The following PDSS2 variants were observed in gnomAD, a reference collection of about 807,000 sequenced individuals.
The protein encoded by PDSS2 is decaprenyl diphosphate synthase subunit 2, also known as all trans-polyprenyl-diphosphate synthase PDSS2.
PDSS2 carries 31 observed loss-of-function variants against 44.5 expected under a neutral mutation model. The ratio of observed to expected loss-of-function variants is 0.70; its 90% CI spans 0.52 to 0.94. The LOEUF (loss-of-function observed/expected upper bound fraction) is 0.94. PDSS2 is among the 40% of genes least tolerant of loss of function. The pLI, the probability that PDSS2 is intolerant of heterozygous loss-of-function variation, is 0.00. For missense variants in PDSS2, 452 were observed against 482.2 expected (o/e 0.94, Z 0.59); for synonymous variants, 157 against 180.3 (o/e 0.87, Z 1.03).
intron 2 of PDSS2, among the ~76,000 whole-genome samples, chr6:107,326,497 T>G (rs931991592): frequency 2.6e-5 from 4 of 152,176 alleles, no homozygotes; most frequent in African/African-American, 9.6e-5. Flanking sequence ...TGTTCGGTCA[T>G]GATTTTCTTC....
intron 1 of PDSS2, among the ~76,000 whole-genome samples, chr6:107,412,897 C>T (rs1045050867): frequency 6.6e-6 from 1 of 152,116 alleles, no homozygotes; most frequent in African/African-American, 2.4e-5. Flanking sequence ...TGTACCAATA[C>T]CATTATTAGA....
intron 1 of PDSS2, among the ~76,000 whole-genome samples, chr6:107,426,186 G>A (rs1376751181): frequency 1.3e-5 from 2 of 152,042 alleles, no homozygotes; most frequent in African/African-American, 4.8e-5. Context: ...GTGTAGTCTA[G>A]GGACTTGGTC....
intron 1 of PDSS2, among the ~76,000 whole-genome samples, chr6:107,355,884 G>T (rs2115353713): frequency 6.6e-6 from 1 of 152,310 alleles, no homozygotes; most frequent in Non-Finnish European, 1.5e-5. Context: ...TGATTCTAAT[G>T]TGCAGCCAGG....
chr6:107,386,163 A>G (rs539736495), intron 1 of PDSS2, among the ~76,000 whole-genome samples: 3 of 152,244 alleles, frequency 2.0e-5, no homozygotes, highest in Admixed American at 6.5e-5. Flanking sequence ...GATTGTATTA[A>G]TTATTTAATA....
intron 1 of PDSS2, among the ~76,000 whole-genome samples, chr6:107,406,060 A>T (rs906368805): frequency 1.3e-5 from 2 of 152,170 alleles, no homozygotes; most frequent in South Asian, 4.1e-4. Flanking sequence ...CAAAATTTTT[A>T]AAATTTAATA....
chr6:107,324,847 T>C (rs1294203430), intron 2 of PDSS2, among the ~76,000 whole-genome samples: 1 of 152,150 alleles, frequency 6.6e-6, no homozygotes, highest in Non-Finnish European at 1.5e-5. Context: ...GGAAATACAG[T>C]TTGTTAATTT....
chr6:107,315,762 T>C (rs1045738262), intron 2 of PDSS2, among the ~76,000 whole-genome samples: 26 of 152,088 alleles, frequency 1.7e-4, no homozygotes, highest in African/African-American at 6.0e-4. Flanking sequence ...GAGGACCTAA[T>C]TGAAATCTTG....
At position 107,261,724 on chromosome 6, in the gene PDSS2, C is replaced by G. The variant is rs566597406; in HGVS notation, c.630+12305G>C. On this transcript the variant is annotated intron_variant, in intron 3 of 7. Transcript: ENST00000369037. ...TCCCGAGTAGCTGGGATTATAGGTG[C>G]CCGCCACCATGCCCGGCTAATTTTT... Among the ~76,000 whole-genome samples, 663 of 151,496 alleles carry G rather than the reference C, an allele frequency of 4.4e-3. 6 individuals are homozygous for G. Among genetic ancestry groups the G allele is most frequent in the African/African-American group, 0.015 (640 of 41,352 alleles).
chr6:107,188,337 C>T (rs372542573), intron 7 of PDSS2, among the ~76,000 whole-genome samples: 1 of 151,696 alleles, frequency 6.6e-6, no homozygotes, highest in African/African-American at 2.4e-5. Flanking sequence ...TAAGGTTGTG[C>T]CACTGCACTC....
intron 1 of PDSS2, among the ~76,000 whole-genome samples, chr6:107,369,215 C>T (rs1211420031): frequency 1.3e-5 from 2 of 152,024 alleles, no homozygotes; most frequent in African/African-American, 4.8e-5. Context: ...GTCAGGAGTT[C>T]GAGACTAGCC....
At chr6:107,333,947 C>G (rs975424034) in intron 2 of PDSS2, among the ~76,000 whole-genome samples, 9 of 152,100 alleles carry the variant, frequency 5.9e-5, no homozygotes, top group Non-Finnish European at 1.3e-4. Context: ...AAGTGATGAA[C>G]AGAAAATTTT....
At chr6:107,360,865 C>CA (rs140784867) in intron 1 of PDSS2, among the ~76,000 whole-genome samples, 1 of 152,318 alleles carries the variant, frequency 6.6e-6, no homozygotes, top group East Asian at 1.9e-4. Context: ...TCTGAATTTA[C>CA]ATACTGGGCA....
intron 1 of PDSS2, among the ~76,000 whole-genome samples, chr6:107,349,041 A>G (rs1398720929): frequency 1.3e-5 from 2 of 152,218 alleles, no homozygotes; most frequent in Admixed American, 1.3e-4. Flanking sequence ...AAACTTATAG[A>G]AAAGTTACAA....
intron 1 of PDSS2, among the ~76,000 whole-genome samples, chr6:107,367,506 G>A (rs992687217): frequency 3.9e-5 from 6 of 152,108 alleles, no homozygotes; most frequent in East Asian, 1.9e-4. Flanking sequence ...AATTTAGGCC[G>A]GGCACAGTGG....
chr6:107,437,507 AGAGT>A (rs1781386818), intron 1 of PDSS2, among the ~76,000 whole-genome samples: 2 of 141,776 alleles, frequency 1.4e-5, no homozygotes, highest in South Asian at 2.4e-4. Flanking sequence ...CCTAGGAGAC[AGAGT>A]GAGACCCTGT....
intron 4 of PDSS2, among the ~76,000 whole-genome samples, chr6:107,213,870 G>A (rs1452716333): frequency 6.6e-6 from 1 of 152,046 alleles, no homozygotes; most frequent in African/African-American, 2.4e-5. Flanking sequence ...GAAACAAGGT[G>A]TAAAAGAGGA....
intron 7 of PDSS2, among the ~76,000 whole-genome samples, chr6:107,159,167 G>A (rs1454521371): frequency 1.3e-5 from 2 of 151,944 alleles, no homozygotes; most frequent in Non-Finnish European, 2.9e-5. Flanking sequence ...CCTTCATTAA[G>A]CCCATAGCCA....
chr6:107,154,889 TTGAG>T (rs1157699863), intron 7 of PDSS2, 112 bp from the exon 8 acceptor site: 14 of 936,002 alleles, frequency 1.5e-5, no homozygotes, highest in East Asian at 1.0e-4. Flanking sequence ...ATAGTATAGA[TTGAG>T]TATTTCTGCT....
intron 1 of PDSS2, among the ~76,000 whole-genome samples, chr6:107,363,805 A>G (rs1351175010): frequency 6.6e-6 from 1 of 152,106 alleles, no homozygotes; most frequent in Admixed American, 6.5e-5. Context: ...GCTAGATACA[A>G]AGGTTCTCCA....
Sources: gnomAD v4.1 joint callset for allele counts (sites outside exome capture counted in the v4.1 genomes callset) on GRCh38, gnomAD v4.1.1 for gene constraint, MANE v1.5 for transcripts, NCBI Gene and HGNC (gene_info 2026-07-23, HGNC 2026-07-21) for gene names.